Variants in RLN2 observed in about 807,000 individuals in gnomAD.
RLN2 encodes the protein prorelaxin H2.
In RLN2, 10 loss-of-function variants were observed where a neutral mutation model predicts 7.3. The observed-to-expected ratio is 1.36, with a 90% CI of 0.84 to 2.31. The LOEUF (loss-of-function observed/expected upper bound fraction) is 2.31, where lower values mean the gene tolerates loss of function less well. Ranked by LOEUF, RLN2 falls within the 30% of genes most tolerant of loss-of-function variation. The pLI is 0.00. For synonymous variants in RLN2, 103 were observed against 82.3 expected, an observed-to-expected ratio of 1.25 and a Z score of -1.36; for missense variants, 298 against 217.6, an observed-to-expected ratio of 1.37 and a Z score of -2.32.
At chr9:5,337,685 T>C in the RLN2 span, among the ~76,000 whole-genome samples, 1 of 152,028 alleles carries the variant, frequency 6.6e-6, no homozygotes, top group Non-Finnish European at 1.5e-5. Flanking sequence ...TCCTACCTAG[T>C]AACGGTAAAC....
At chr9:5,321,520 A>T in the RLN2 span, among the ~76,000 whole-genome samples, 11 of 152,132 alleles carry the variant, frequency 7.2e-5, no homozygotes, top group African/African-American at 1.4e-4. Flanking sequence ...GTGACTGAGC[A>T]CAATTCTGTG....
the RLN2 span, among the ~76,000 whole-genome samples, chr9:5,332,815 C>T: frequency 0.3 from 45,487 of 151,536 alleles, 8,481 homozygotes; most frequent in Non-Finnish European, 0.4. Context: ...CGGGGTTTCA[C>T]CATGTTAGCC....
intron 1 of RLN2, among the ~76,000 whole-genome samples, chr9:5,302,554 T>C (rs1406070858): frequency 6.6e-6 from 1 of 152,196 alleles, no homozygotes; most frequent in African/African-American, 2.4e-5. Flanking sequence ...CTGCAGGCAA[T>C]ATTTTCTGAG....
chr9:5,335,940 C>G, the RLN2 span, among the ~76,000 whole-genome samples: 105,004 of 151,810 alleles, frequency 0.69, 36,632 homozygotes, highest in South Asian at 0.81. Context: ...TTTGGCCACA[C>G]ATAGTGGTCA....
At chr9:5,308,445 A>T (rs1185844292), upstream of RLN2, among the ~76,000 whole-genome samples, 1 of 151,916 alleles carries the variant, frequency 6.6e-6, no homozygotes, top group Non-Finnish European at 1.5e-5. Context: ...AACAAAAACA[A>T]AACAATAAGA....
chr9:5,301,354 T>A (rs949179888), intron 1 of RLN2, among the ~76,000 whole-genome samples: 3 of 152,210 alleles, frequency 2.0e-5, no homozygotes, highest in African/African-American at 7.2e-5. Context: ...TCAGCTCAGT[T>A]GAACATTCAT....
chr9:5,335,443 G>C, the RLN2 span: 1 of 1,613,692 alleles, frequency 6.2e-7, no homozygotes, highest in Non-Finnish European at 8.5e-7. Flanking sequence ...AGCTAAGATT[G>C]GAATCCTTTA....
chr9:5,300,984 GAGAA>G (rs1816114566), intron 1 of RLN2, among the ~76,000 whole-genome samples: 1 of 152,174 alleles, frequency 6.6e-6, no homozygotes, highest in Non-Finnish European at 1.5e-5. Context: ...TAATCAGCAG[GAGAA>G]AGAAGTCTCT....
chr9:5,323,457 T>C, the RLN2 span, among the ~76,000 whole-genome samples: 4 of 152,116 alleles, frequency 2.6e-5, no homozygotes, highest in East Asian at 5.8e-4. Context: ...ACTTCTGTTA[T>C]ATAAGGTTAC....
At chr9:5,328,430 G>A in the RLN2 span, among the ~76,000 whole-genome samples, 4 of 152,006 alleles carry the variant, frequency 2.6e-5, no homozygotes, top group East Asian at 1.9e-4. Context: ...ACAAATATAC[G>A]TTAGTTTGGT....
At chr9:5,300,513 G>GC in intron 1 of RLN2, 69 bp from the exon 2 acceptor site, 2 of 1,053,290 alleles carry the variant, frequency 1.9e-6, no homozygotes, top group Non-Finnish European at 2.8e-6. Flanking sequence ...GAAAAACTAT[G>GC]AATGTTTGCA....
the RLN2 span, among the ~76,000 whole-genome samples, chr9:5,318,026 G>GTGTGTGTGTGTA: frequency 6.6e-6 from 1 of 151,786 alleles, no homozygotes; most frequent in Non-Finnish European, 1.5e-5. Context: ...GTGTGTGTGT[G>GTGTGTGTGTGTA]TGTCTGTATA....
the RLN2 span, among the ~76,000 whole-genome samples, chr9:5,321,678 G>A: frequency 5.3e-5 from 8 of 150,900 alleles, no homozygotes; most frequent in East Asian, 5.9e-4. Flanking sequence ...GAAGAGGGAG[G>A]GAGGGAAGAA....
the RLN2 span, among the ~76,000 whole-genome samples, chr9:5,320,074 C>T: frequency 1.3e-5 from 2 of 151,486 alleles, no homozygotes; most frequent in East Asian, 3.9e-4. Flanking sequence ...CAACCTCTGC[C>T]TCCCGGATTC....
the RLN2 span, among the ~76,000 whole-genome samples, chr9:5,313,081 G>A: frequency 3.9e-5 from 6 of 152,018 alleles, no homozygotes; most frequent in African/African-American, 1.5e-4. Context: ...GTCTGTATAT[G>A]TCTGTTAGGT....
chr9:5,329,252 G>A, the RLN2 span, among the ~76,000 whole-genome samples: 3 of 143,258 alleles, frequency 2.1e-5, no homozygotes, highest in Non-Finnish European at 4.5e-5. Context: ...GCAGTGAGCC[G>A]AGATTGCACC....
the RLN2 span, among the ~76,000 whole-genome samples, chr9:5,321,612 G>A: frequency 1.3e-5 from 2 of 151,862 alleles, no homozygotes; most frequent in Non-Finnish European, 2.9e-5. Context: ...GAGGGATGGA[G>A]GGAAGGGATG....
chr9:5,312,115 GA>G, the RLN2 span, among the ~76,000 whole-genome samples: 1 of 151,898 alleles, frequency 6.6e-6, no homozygotes, highest in Non-Finnish European at 1.5e-5. Context: ...TTGATGTGGG[GA>G]AAACACCTTT....
chr9:5,317,426 T>C, the RLN2 span, among the ~76,000 whole-genome samples: 1 of 148,688 alleles, frequency 6.7e-6, no homozygotes, highest in Admixed American at 6.7e-5. Flanking sequence ...CACTCCAGCC[T>C]GGGCAACAGA....
Sources: allele counts gnomAD v4.1 joint callset (sites outside exome capture counted in the v4.1 genomes callset), GRCh38; gene constraint gnomAD v4.1.1; transcripts MANE v1.5; gene names NCBI Gene and HGNC (gene_info 2026-07-23, HGNC 2026-07-21).